The following MAST2 variants were observed in gnomAD, a reference collection of about 807,000 sequenced individuals.
MAST2 encodes microtubule-associated serine/threonine-protein kinase 2.
Under a neutral mutation model 147.4 loss-of-function variants are expected in MAST2, and 70 were observed. The observed-to-expected ratio is 0.47, with a 90% CI of 0.39 to 0.58. The LOEUF is 0.58. MAST2 is among the 20% of genes least tolerant of loss of function. The pLI is 0.00. For missense variants in MAST2, 2,080 were observed against 2,302.3 expected (o/e 0.90, Z 1.98); for synonymous variants, 869 against 896.8 (o/e 0.97, Z 0.55).
chr1:45,987,983 C>CA (rs1644716818), intron 5 of MAST2, among the ~76,000 whole-genome samples: 1 of 151,422 alleles, frequency 6.6e-6, no homozygotes, highest in South Asian at 2.1e-4. Flanking sequence ...TAATTTTCCC[C>CA]CTAAGAACTG....
chr1:45,839,879 G>A (rs755518204), intron 3 of MAST2, among the ~76,000 whole-genome samples: 11 of 152,094 alleles, frequency 7.2e-5, no homozygotes, highest in Non-Finnish European at 1.5e-4. Context: ...ATTTAATGGG[G>A]GAAAAGGTAG....
At chr1:45,873,098 G>A (rs1646463507) in intron 3 of MAST2, among the ~76,000 whole-genome samples, 1 of 151,996 alleles carries the variant, frequency 6.6e-6, no homozygotes, top group Non-Finnish European at 1.5e-5. Flanking sequence ...ATTGGGGGTG[G>A]GGTTAGTTTT....
At chr1:45,989,439 C>T (rs1251925663) in intron 5 of MAST2, among the ~76,000 whole-genome samples, 1 of 152,210 alleles carries the variant, frequency 6.6e-6, no homozygotes, top group African/African-American at 2.4e-5. Context: ...AAGTTTCTTA[C>T]GTCAGCACTT....
chr1:45,849,313 C>G (rs764899643), intron 3 of MAST2, among the ~76,000 whole-genome samples: 7 of 152,082 alleles, frequency 4.6e-5, no homozygotes, highest in Non-Finnish European at 8.8e-5. Context: ...GGGGGCCTCA[C>G]GTTACCCAAC....
chr1:45,901,882 A>G (rs1428743623), intron 4 of MAST2, among the ~76,000 whole-genome samples: 1 of 152,140 alleles, frequency 6.6e-6, no homozygotes, highest in Non-Finnish European at 1.5e-5. Context: ...CATTTGGAGT[A>G]ATGTTTAGGG....
rs772245328 is a variant in MAST2 at position 46,022,015 on chromosome 1, A to G, written c.1356A>G (p.Gln452=). The G allele has an allele frequency of 6.2e-7, 1 of 1,614,096 alleles. No individual in the cohort carries two copies. Among genetic ancestry groups the G allele is most frequent in the Non-Finnish European group, 8.5e-7 (1 of 1,180,030 alleles). Reference sequence around the variant, plus strand: ...CTGAGGGCCACGCCAAAGAGGGACAAGGGATTAAATGTGACATTCCCCGCT... The same window carrying G: ...CTGAGGGCCACGCCAAAGAGGGACAGGGGATTAAATGTGACATTCCCCGCT... The part of the protein sequence containing the change: ...EAAEGHAKEG[Q]GIKCDIPRYI... Residue 452 remains glutamine, a synonymous_variant, in exon 12 of 29, where the codon CAA becomes CAG. Coordinates refer to ENST00000361297, the MANE Select transcript of MAST2 (RefSeq NM_015112.3).
chr1:45,988,838 G>A (rs1644751086), intron 5 of MAST2, among the ~76,000 whole-genome samples: 1 of 147,198 alleles, frequency 6.8e-6, no homozygotes, highest in South Asian at 2.3e-4. Context: ...GTTGGTTTTG[G>A]TTTTGGTTTG....
chr1:46,033,823 TCAA>T lies in MAST2; in HGVS notation c.3564_3566del (p.Thr1189del), dbSNP rs776052411. 2.5e-6 allele frequency: 4 copies of T among 1,614,138 alleles called. No homozygotes were observed. The highest frequency in any genetic ancestry group is 3.4e-6 in the Non-Finnish European group (4 of 1,180,010). ...CCAGAGTGGAAACAAGGTGGCCATTTCAACAACTCCCCTGGAGAACACATCCAT... is the reference window on the plus strand; with the variant it reads ...CCAGAGTGGAAACAAGGTGGCCATTTCAACTCCCCTGGAGAACACATCCAT... On this transcript the variant is annotated inframe_deletion, in exon 27 of 29. Coordinates refer to ENST00000361297, the MANE Select transcript of MAST2 (RefSeq NM_015112.3).
At chr1:46,018,911 A>G (rs1475646516) in intron 10 of MAST2, among the ~76,000 whole-genome samples, 1 of 152,232 alleles carries the variant, frequency 6.6e-6, no homozygotes, top group Non-Finnish European at 1.5e-5. Flanking sequence ...CTTTCTCTAA[A>G]ACCAAATGCA....
chr1:46,026,704 G>A (rs968550090), intron 16 of MAST2, among the ~76,000 whole-genome samples: 2 of 152,224 alleles, frequency 1.3e-5, no homozygotes, highest in African/African-American at 2.4e-5. Flanking sequence ...AGGCTGGGGT[G>A]GGGGTAGGAA....
In MAST2 at chr1:46,030,659, C is replaced by T; in HGVS notation, c.2606C>T (p.Pro869Leu). The change falls in exon 22 of 29, where the codon CCC becomes CTC. Residue 869 changes from proline to leucine, a missense_variant. By Grantham distance (98) the Pro-to-Leu change is moderately conservative. Around this residue, in one of 4 missense-constraint regions of MAST2, gnomAD observed 1,278 missense variants for 1,304.2 expected, o/e 0.98. Coordinates refer to ENST00000361297, the MANE Select transcript of MAST2 (RefSeq NM_015112.3). ...LSLLEERRTP[P>L]PTKRSLSEEK... ...CTGCTCGAGGAGCGCCGGACACCAC[C>T]CCCGACCAAGCGCAGCCTGAGTGAG... 1 of 1,611,856 alleles carries T rather than the reference C, an allele frequency of 6.2e-7. No homozygotes were observed.
intron 4 of MAST2, among the ~76,000 whole-genome samples, chr1:45,910,998 T>G (rs1412126293): frequency 2.6e-4 from 39 of 152,212 alleles, no homozygotes; most frequent in Admixed American, 2.6e-3. Context: ...GAAACCCCAT[T>G]TCTTTAATTA....
At chr1:45,907,755 T>A (rs975502602) in intron 4 of MAST2, among the ~76,000 whole-genome samples, 4 of 152,198 alleles carry the variant, frequency 2.6e-5, no homozygotes, top group Non-Finnish European at 5.9e-5. Context: ...GCAGTCTCTG[T>A]TCTACTTTCT....
At chr1:45,871,197 A>G (rs1002635867) in intron 3 of MAST2, among the ~76,000 whole-genome samples, 1 of 149,944 alleles carries the variant, frequency 6.7e-6, no homozygotes, top group East Asian at 1.9e-4. Flanking sequence ...TCCATATCCT[A>G]CATCTCTATG....
In MAST2 at chr1:45,943,747, A is replaced by G. The variant is rs181059172; in HGVS notation, c.501-15639A>G. The stretch of plus-strand genomic sequence containing the variant: ...GGCAACAAGAGCAAAACTCTGTCTC[A>G]AAAAATAAATAAATAAATAAATAAA... On this transcript the variant is annotated intron_variant, in intron 4 of 28. Transcript: ENST00000361297. 2.6e-5 allele frequency among the ~76,000 whole-genome samples: 4 copies of G among 152,152 alleles called. No homozygotes were observed. The East Asian group carries it at 5.8e-4, about 22-fold the overall frequency.
chr1:45,891,148 G>A (rs1443823270), intron 4 of MAST2, among the ~76,000 whole-genome samples: 1 of 152,260 alleles, frequency 6.6e-6, no homozygotes, highest in East Asian at 1.9e-4. Context: ...GAGAAGGGAA[G>A]TCAGTTGCAC....
At chr1:45,852,353 A>G (rs375225311) in intron 3 of MAST2, among the ~76,000 whole-genome samples, 1 of 151,790 alleles carries the variant, frequency 6.6e-6, no homozygotes, top group Admixed American at 6.6e-5. Flanking sequence ...CTCTATGTGA[A>G]TTATATTTAT....
intron 1 of MAST2, among the ~76,000 whole-genome samples, chr1:45,817,150 G>A (rs966816816): frequency 6.6e-6 from 1 of 152,122 alleles, no homozygotes; most frequent in African/African-American, 2.4e-5. Context: ...AGAGAGATAG[G>A]GGTAGAAAGT....
chr1:45,926,142 T>C (rs1654328029), intron 4 of MAST2, among the ~76,000 whole-genome samples: 1 of 152,238 alleles, frequency 6.6e-6, no homozygotes, highest in South Asian at 2.1e-4. Context: ...CTGGCCCTGC[T>C]GCATAGTGGT....
Sources: allele counts gnomAD v4.1 joint callset (sites outside exome capture counted in the v4.1 genomes callset), GRCh38; gene constraint gnomAD v4.1.1; regional missense constraint gnomAD v4.1.1; transcripts MANE v1.5; gene names NCBI Gene and HGNC (gene_info 2026-07-23, HGNC 2026-07-21).